WNK1: variants seen among roughly 807,000 people sequenced by gnomAD.
WNK1 encodes WNK lysine deficient protein kinase 1.
In WNK1, 38 loss-of-function variants were observed where a neutral mutation model predicts 222.8. That is an observed-to-expected ratio of 0.17 (90% CI 0.13 to 0.22). The LOEUF is 0.22. Among genes scored for constraint, WNK1 ranks in the 10% least tolerant of loss-of-function variants. The pLI is 1.00. For synonymous variants in WNK1, 1,090 were observed against 1,092.9 expected, an observed-to-expected ratio of 1.00 and a Z score of 0.05; for missense variants, 2,348 against 2,918.4, an observed-to-expected ratio of 0.80 and a Z score of 4.50.
chr12:798,343 C>T (rs1945532330), intron 1 of WNK1, among the ~76,000 whole-genome samples: 2 of 152,078 alleles, frequency 1.3e-5, no homozygotes, highest in Non-Finnish European at 2.9e-5. Context: ...AGGCACCCTC[C>T]ACCACGCCCG....
At chr12:845,109 A>C in intron 4 of WNK1, among the ~76,000 whole-genome samples, 1 of 151,216 alleles carries the variant, frequency 6.6e-6, no homozygotes. Context: ...TTTAGCCGGG[A>C]TGGTCTCGAT....
intron 1 of WNK1, among the ~76,000 whole-genome samples, chr12:755,999 A>C (rs1227145914): frequency 6.6e-6 from 1 of 152,180 alleles, no homozygotes; most frequent in Non-Finnish European, 1.5e-5. Context: ...CAACAACAAC[A>C]AAAAAACTTA....
Position 861,030 on chromosome 12 carries a change from C to G in WNK1, c.1638C>G (p.Val546=). ...TTCTGTAGGTAGAGTCTGGGTATGT[C>G]TGTGAAGGTGATCACAAGACCATGG... ...VAQEMVESGY[V]CEGDHKTMAK... The change falls in exon 7 of 28, where the codon GTC becomes GTG. Residue 546 remains valine, a synonymous_variant. Transcript: ENST00000315939. 6.2e-7 allele frequency: 1 copy of G among 1,612,970 alleles called. No individual in the cohort carries two copies. The highest frequency in any genetic ancestry group is 8.5e-7 in the Non-Finnish European group (1 of 1,179,856).
In WNK1 at chr12:843,411, G is replaced by A. The variant is rs563102852; in HGVS notation, c.1311+13251G>A. 5.9e-5 allele frequency among the ~76,000 whole-genome samples: 9 copies of A among 152,276 alleles called. No individual in the cohort carries two copies. The South Asian group carries it at 1.7e-3, about 28-fold the overall frequency. Reference sequence around the variant, plus strand: ...GATAAATAACATAAGCCCTGTATATGTTGGTATCAATAACATTTTTATGAC... The same window carrying A: ...GATAAATAACATAAGCCCTGTATATATTGGTATCAATAACATTTTTATGAC... On this transcript the variant is annotated intron_variant, in intron 4 of 27. Coordinates refer to ENST00000315939, the MANE Select transcript of WNK1 (RefSeq NM_018979.4).
intron 8 of WNK1, among the ~76,000 whole-genome samples, chr12:864,668 A>G (rs1951490037): frequency 6.6e-6 from 1 of 152,214 alleles, no homozygotes; most frequent in African/African-American, 2.4e-5. Context: ...TTGCAAAATA[A>G]TCCAATCTTA....
In WNK1 at chr12:878,308, G is replaced by A. The variant is rs144292256; in HGVS notation, c.2320G>A (p.Val774Met). The A allele has an allele frequency of 4.8e-5, 77 of 1,613,846 alleles. No individual in the cohort carries two copies. The highest frequency in any genetic ancestry group is 6.0e-5 in the Non-Finnish European group (71 of 1,179,902). The change falls in exon 10 of 28, where the codon GTG (valine) becomes ATG (methionine). Residue 774 changes from valine (V) to methionine (M), a missense_variant. By Grantham distance (21) the Val-to-Met change is conservative. This residue lies in a region of WNK1 where 547 missense variants were observed against 558.3 expected (regional missense o/e 0.98). Coordinates refer to ENST00000315939, the MANE Select transcript of WNK1 (RefSeq NM_018979.4). ...TSSEATTAQPVSQPQAPQVLP... is the reference protein window; with the variant it reads ...TSSEATTAQPMSQPQAPQVLP... ...CAGTGAGGCCACTACTGCACAGCCA[G>A]TGAGTCAGCCTCAAGCTCCACAAGT...
In WNK1 at chr12:753,599, A is replaced by T; in HGVS notation, c.34A>T (p.Thr12Ser). The T allele has an allele frequency of 6.2e-7, 1 of 1,612,370 alleles. No individual in the cohort carries two copies. The highest frequency in any genetic ancestry group is 8.5e-7 in the Non-Finnish European group (1 of 1,179,870). ...CGGCGCCGCAGAGAAGCAGAGCAGC[A>T]CTCCCGGTTCCCTGTTCCTCTCGCC... Reference protein sequence around the residue: ...SGGAAEKQSSTPGSLFLSPPA... With the variant: ...SGGAAEKQSSSPGSLFLSPPA... Residue 12 changes from threonine (T) to serine (S), a missense_variant, in exon 1 of 28, where the codon ACT becomes TCT. This residue lies in a region of WNK1 where 108 missense variants were observed against 109.7 expected (regional missense o/e 0.98). Coordinates refer to ENST00000315939, the MANE Select transcript of WNK1 (RefSeq NM_018979.4). The surrounding 1 kb of genome is among the most constrained non-coding windows in gnomAD (Gnocchi z 5.2).
rs1395381642 is a variant in WNK1 at position 763,908 on chromosome 12, G to A, written c.759+9584G>A. Among the ~76,000 whole-genome samples the A allele has an allele frequency of 1.4e-5, 2 of 147,440 alleles. 1 individual carries two copies. The highest frequency in any genetic ancestry group is 3.0e-5 in the Non-Finnish European group (2 of 65,954). On this transcript the variant is annotated intron_variant, in intron 1 of 27. Coordinates refer to ENST00000315939, the MANE Select transcript of WNK1 (RefSeq NM_018979.4). Reference sequence around the variant, plus strand: ...ATCAAAGGTTTTTTTTAAGTTTTAAGGTTTTTTGTTTTTTAGATGGGAGGA... The same window carrying A: ...ATCAAAGGTTTTTTTTAAGTTTTAAAGTTTTTTGTTTTTTAGATGGGAGGA...
chr12:848,098 C>T (rs916528816), intron 4 of WNK1, among the ~76,000 whole-genome samples: 5 of 152,096 alleles, frequency 3.3e-5, no homozygotes, highest in Non-Finnish European at 7.4e-5. Context: ...AGCCACCGCG[C>T]CTGGCTGGCT....
chr12:830,262 C>T lies in WNK1; in HGVS notation c.1311+102C>T, dbSNP rs755673901. On this transcript the variant is annotated intron_variant, in intron 4 of 27. Transcript: ENST00000315939. ...TGTAAAAGAGGACAATAGTGGAAGG[C>T]ATACTGAGTGAACTGTTGGGGTTGG... The T allele has an allele frequency of 1.2e-4, 158 of 1,334,218 alleles. 2 individuals are homozygous for T. The Middle Eastern group carries it at 5.3e-3, about 45-fold the overall frequency. The allele number at this position is 1,334,218 out of a possible 1,614,324, so 82.6% of individuals were successfully genotyped here. A position where few individuals can be genotyped will look rare whatever the true frequency, so the allele number is the denominator to read the frequency against.
chr12:854,374 T>TTTTTTTG (rs1268427332), intron 4 of WNK1, among the ~76,000 whole-genome samples: 1 of 147,770 alleles, frequency 6.8e-6, no homozygotes, highest in Non-Finnish European at 1.5e-5. Context: ...TTTGTTTTTT[T>TTTTTTTG]TGAGACAGAG....
At chr12:782,960 G>A (rs1943877251) in intron 1 of WNK1, among the ~76,000 whole-genome samples, 1 of 151,592 alleles carries the variant, frequency 6.6e-6, no homozygotes, top group South Asian at 2.1e-4. Context: ...TGCAGTGAGT[G>A]GTGCACGATT....
At chr12:799,345 G>A (rs1033263861) in intron 1 of WNK1, among the ~76,000 whole-genome samples, 1 of 148,770 alleles carries the variant, frequency 6.7e-6, no homozygotes, top group African/African-American at 2.5e-5. Context: ...TTCCCAGGCT[G>A]CCCATGAACT....
rs72650709 is a variant in WNK1 at position 881,128 on chromosome 12, A to G, written c.3111+129A>G. The G allele has an allele frequency of 1.2e-3, 1,534 of 1,244,978 alleles. 4 individuals are homozygous for G. The highest frequency in any genetic ancestry group is 1.2e-3 in the Non-Finnish European group (1,054 of 880,842). The allele number at this position is 1,244,978 out of a possible 1,614,324, so 77.1% of individuals were successfully genotyped here. A position where few individuals can be genotyped will look rare whatever the true frequency, so the allele number is the denominator to read the frequency against. The stretch of plus-strand genomic sequence containing the variant: ...GAGACCATGTCAAACTAACTTCTGC[A>G]TGACTTTTTCTTACAGCAGAATGAA... On this transcript the variant is annotated intron_variant, in intron 12 of 27. Transcript: ENST00000315939.
At chr12:880,071 G>C (rs201227489) in intron 11 of WNK1, 40 bp downstream of exon 11, 123 of 1,566,994 alleles carry the variant, frequency 7.8e-5, no homozygotes, top group African/African-American at 4.3e-4. Context: ...CACAGAGTTT[G>C]ATCCTAGTAG....
chr12:858,661 C>G (rs991693411), intron 5 of WNK1, among the ~76,000 whole-genome samples: 2 of 152,102 alleles, frequency 1.3e-5, no homozygotes, highest in African/African-American at 4.8e-5. Context: ...AAGTACCAAA[C>G]TAGAAACAAA....
chr12:844,490 A>G (rs769054899), intron 4 of WNK1, among the ~76,000 whole-genome samples: 5 of 152,164 alleles, frequency 3.3e-5, no homozygotes, highest in Non-Finnish European at 7.4e-5. Flanking sequence ...GAAAATGTGG[A>G]ATAAAAAACT....
At chr12:883,910 C>G in intron 17 of WNK1, 79 bp downstream of exon 17, 1 of 1,565,356 alleles carries the variant, frequency 6.4e-7, no homozygotes, top group Non-Finnish European at 8.7e-7. Context: ...CTTCTGTAGT[C>G]CCAGCTACTC....
chr12:866,943 G>A (rs1055711795), intron 8 of WNK1, among the ~76,000 whole-genome samples: 3 of 151,954 alleles, frequency 2.0e-5, no homozygotes, highest in Non-Finnish European at 4.4e-5. Flanking sequence ...GGCCAACATG[G>A]CGAAATGTGT....
Sources: allele counts gnomAD v4.1 joint callset (sites outside exome capture counted in the v4.1 genomes callset), GRCh38; gene constraint gnomAD v4.1.1; regional missense constraint gnomAD v4.1.1; non-coding constraint Gnocchi (gnomAD v3.1); transcripts MANE v1.5; gene names NCBI Gene and HGNC (gene_info 2026-07-23, HGNC 2026-07-21).